NBPF9: variants seen among roughly 807,000 people sequenced by gnomAD.
NBPF9 encodes NBPF member 9, also known as NBPF family member NBPF9.
NBPF9 carries 91 observed loss-of-function variants against 97.8 expected under a neutral mutation model. The observed-to-expected ratio is 0.93, with a 90% CI of 0.79 to 1.11. The LOEUF is 1.11. Among genes scored for constraint, NBPF9 ranks in the 50% least tolerant of loss-of-function variants. The probability of loss-of-function intolerance (pLI) is 0.00; values close to 1 mark genes in which losing one functional copy is unlikely to be tolerated. For missense variants in NBPF9, 992 were observed against 939.5 expected (o/e 1.06, Z -0.73); for synonymous variants, 334 against 359.5 (o/e 0.93, Z 0.80).
At chr1:149,076,502 T>C (rs587611521) in intron 11 of NBPF9, among the ~76,000 whole-genome samples, 6 of 144,492 alleles carry the variant, frequency 4.2e-5, no homozygotes, top group Admixed American at 3.4e-4. Flanking sequence ...GGTCAGAGAC[T>C]TTATTTTTTT....
chr1:149,097,130 G>A (rs1243535742), intron 4 of NBPF9, among the ~76,000 whole-genome samples: 2 of 150,502 alleles, frequency 1.3e-5, no homozygotes, highest in Admixed American at 1.3e-4. Flanking sequence ...AGGAGGGAGG[G>A]AAAGAATAAA....
At chr1:149,064,076 G>A (rs1559521128) in intron 19 of NBPF9, among the ~76,000 whole-genome samples, 1 of 137,198 alleles carries the variant, frequency 7.3e-6, no homozygotes, top group East Asian at 2.0e-4. Context: ...ACACACTGAT[G>A]AGGGAGTCAA....
At chr1:149,068,465 G>C (rs1166076953) in intron 17 of NBPF9, among the ~76,000 whole-genome samples, 1 of 147,772 alleles carries the variant, frequency 6.8e-6, no homozygotes, top group African/African-American at 2.5e-5. Flanking sequence ...AAAAAAGGCA[G>C]GGGTTGCAAT....
chr1:149,064,035 C>CCCACAA (rs2078847653), intron 19 of NBPF9, among the ~76,000 whole-genome samples: 1 of 133,026 alleles, frequency 7.5e-6, no homozygotes, highest in Non-Finnish European at 1.6e-5. Context: ...CACACACACA[C>CCCACAA]ACAGAGCGAG....
At chr1:149,087,023 C>T (rs1553658723) in intron 5 of NBPF9, among the ~76,000 whole-genome samples, 1 of 151,930 alleles carries the variant, frequency 6.6e-6, no homozygotes, top group Non-Finnish European at 1.5e-5. Context: ...GCTTTATATC[C>T]TCACCAACAG....
exon 30 of NBPF9, chr1:149,055,716 A>C (rs782124424): frequency 1.2e-6 from 2 of 1,611,908 alleles, no homozygotes; most frequent in Non-Finnish European, 1.7e-6. Context: ...CCGTCAAAGT[A>C]AAAAACCTAT....
At chr1:149,075,673 T>C (rs1553654119) in exon 12 of NBPF9, 1 of 1,610,248 alleles carries the variant, frequency 6.2e-7, no homozygotes, top group East Asian at 2.2e-5. Flanking sequence ...TTCTGCTGGT[T>C]GGCCAGGAAG....
chr1:149,074,738 G>C (rs1346312510), intron 12 of NBPF9, among the ~76,000 whole-genome samples: 5 of 151,300 alleles, frequency 3.3e-5, no homozygotes, highest in Admixed American at 2.6e-4. Flanking sequence ...ACAAGACTCT[G>C]TGCCCCAGGA....
exon 30 of NBPF9, chr1:149,055,609 T>C (rs782299196): frequency 1.2e-6 from 2 of 1,610,892 alleles, no homozygotes; most frequent in Non-Finnish European, 1.7e-6. Flanking sequence ...CACGTGCCTA[T>C]AGGTCCTGCC....
Position 149,087,828 on chromosome 1 carries a change from C to CTTT in NBPF9, c.-195+2922_-195+2924dup, listed in dbSNP as rs60084667. 2.6e-3 allele frequency among the ~76,000 whole-genome samples: 229 copies of CTTT among 88,524 alleles called. 6 individuals carry two copies. Among genetic ancestry groups the CTTT allele is most frequent in the African/African-American group, 7.0e-3 (135 of 19,238 alleles). The allele number at this position is 88,524 out of a possible 152,430, so 58.1% of individuals were successfully genotyped here. ...CCTTACATAAATTTTGTTGACTTTC[C>CTTT]TTTTTTTTTTTTTTTTTTTTTTGAG... On this transcript the variant is annotated intron_variant, in intron 5 of 29. Transcript: ENST00000584027.
rs2080852583 is a variant in NBPF9, at chr1:149,084,759, C to A, written c.-194-2329G>T. Among the ~76,000 whole-genome samples, 3 of 150,594 alleles carry A rather than the reference C, an allele frequency of 2.0e-5. 1 individual carries two copies. In the South Asian group the frequency reaches 6.4e-4, roughly 32 times the overall value. On this transcript the variant is annotated intron_variant, in intron 5 of 29. Coordinates refer to ENST00000584027, the Ensembl canonical transcript of NBPF9. ...AGGTTGGTGTCCTGGTTGGCAAAGACTGGTCAAGCTTTGTCATGAATGGGC... is the reference window on the plus strand; with the variant it reads ...AGGTTGGTGTCCTGGTTGGCAAAGAATGGTCAAGCTTTGTCATGAATGGGC...
At chr1:149,101,291 G>A (rs1484297432) in exon 3 of NBPF9, 4 of 147,000 alleles carry the variant, frequency 2.7e-5, no homozygotes, top group African/African-American at 1.0e-4. Flanking sequence ...GGGGGCTGAG[G>A]CAGGAGGATC....
chr1:149,082,067 G>C lies in NBPF9; in HGVS notation c.73C>G (p.Arg25Gly), dbSNP rs782095138. 1.9e-6 allele frequency: 3 copies of C among 1,610,024 alleles called. No homozygotes were observed. In the East Asian group the frequency reaches 6.7e-5, roughly 36 times the overall value. ...TGTTTGTTCTCTGCCAACTGGGGGCGCAATTTCTCGTTGATTTCTAGAATG... is the reference window on the plus strand; with the variant it reads ...TGTTTGTTCTCTGCCAACTGGGGGCCCAATTTCTCGTTGATTTCTAGAATG... The change falls in exon 7 of 30, where the codon CGC becomes GGC. Residue 25 changes from arginine (R) to glycine (G), a missense_variant. By Grantham distance (125) the Arg-to-Gly change is moderately radical. Around this residue, in one of 11 missense-constraint regions of NBPF9, gnomAD observed 65 missense variants for 52.1 expected, o/e 1.25. Transcript: ENST00000584027.
intron 29 of NBPF9, among the ~76,000 whole-genome samples, chr1:149,056,105 AAGAC>A (rs1219437965): frequency 9.0e-6 from 1 of 111,002 alleles, no homozygotes; most frequent in Non-Finnish European, 2.1e-5. Flanking sequence ...CAGAGAGAGA[AAGAC>A]AGAGACAGAG....
chr1:149,055,913 C>G lies in NBPF9; in HGVS notation c.3093-14G>C. 6.2e-7 allele frequency: 1 copy of G among 1,611,284 alleles called. No homozygotes were observed. Among genetic ancestry groups the G allele is most frequent in the Non-Finnish European group, 8.5e-7 (1 of 1,179,722 alleles). On this transcript the variant is annotated splice_polypyrimidine_tract_variant and intron_variant, in intron 29 of 29. Transcript: ENST00000584027. ...ACGCCGTTGAGCCTGGAAAAGGAGA[C>G]AAAACTAAAGAAGCAGCCAGGGAAA... is the stretch of plus-strand genomic sequence containing the variant.
At chr1:149,097,997 C>T (rs1349099921) in intron 4 of NBPF9, among the ~76,000 whole-genome samples, 9 of 152,002 alleles carry the variant, frequency 5.9e-5, no homozygotes, top group African/African-American at 2.2e-4. Flanking sequence ...CATCTCCCCA[C>T]CCAGGACAGT....
At chr1:149,092,999 C>T (rs587598553) in intron 4 of NBPF9, among the ~76,000 whole-genome samples, 1 of 151,552 alleles carries the variant, frequency 6.6e-6, no homozygotes, top group African/African-American at 2.4e-5. Context: ...AGGGGACCGG[C>T]GTTCAGCATA....
chr1:149,079,397 T>C (rs2080206663), intron 8 of NBPF9, among the ~76,000 whole-genome samples, 176 bp from the exon 9 acceptor site: 1 of 151,826 alleles, frequency 6.6e-6, no homozygotes, highest in South Asian at 2.1e-4. Context: ...TTTACAGGCT[T>C]CCTCTGTATC....
chr1:149,098,555 G>T (rs1362165347), exon 4 of NBPF9: 4 of 1,463,590 alleles, frequency 2.7e-6, no homozygotes, highest in Admixed American at 4.6e-5. Flanking sequence ...CCTGGACAGT[G>T]GGAATTGGTG....
Sources: allele counts gnomAD v4.1 joint callset (sites outside exome capture counted in the v4.1 genomes callset), GRCh38; gene constraint gnomAD v4.1.1; regional missense constraint gnomAD v4.1.1; transcripts MANE v1.5; gene names NCBI Gene and HGNC (gene_info 2026-07-23, HGNC 2026-07-21).